MRPL14: variants seen among roughly 807,000 people sequenced by gnomAD.
The protein encoded by MRPL14 is mitochondrial ribosomal protein L14.
MRPL14 carries 8 observed loss-of-function variants against 10.9 expected under a neutral mutation model. The observed-to-expected ratio is 0.74, with a 90% confidence interval of 0.43 to 1.33. The LOEUF (loss-of-function observed/expected upper bound fraction) is 1.33, where lower values mean the gene tolerates loss of function less well. Ranked by LOEUF, MRPL14 falls within the 40% of genes most tolerant of loss-of-function variation. MRPL14 has a pLI of 0.01. For missense variants in MRPL14, 179 were observed against 194.5 expected (o/e 0.92, Z 0.47); for synonymous variants, 82 against 74.1 (o/e 1.11, Z -0.54).
intron 1 of MRPL14, among the ~76,000 whole-genome samples, chr6:44,119,725 A>G (rs1776222035): frequency 6.6e-6 from 1 of 152,236 alleles, no homozygotes; most frequent in Non-Finnish European, 1.5e-5. Flanking sequence ...ACAACAAAAC[A>G]AAACTTCTGA....
chr6:44,119,205 T>C (rs1421009168), intron 1 of MRPL14, among the ~76,000 whole-genome samples: 1 of 152,074 alleles, frequency 6.6e-6, no homozygotes, highest in Non-Finnish European at 1.5e-5. Flanking sequence ...TTTACAACTA[T>C]TAAATCATTC....
chr6:44,114,560 C>T (rs1775655912), intron 2 of MRPL14, among the ~76,000 whole-genome samples: 1 of 152,238 alleles, frequency 6.6e-6, no homozygotes, highest in Non-Finnish European at 1.5e-5. Flanking sequence ...GGCTAGGCCT[C>T]ACCCACTGCC....
intron 1 of MRPL14, among the ~76,000 whole-genome samples, chr6:44,118,238 G>C (rs958225554): frequency 2.8e-5 from 4 of 145,108 alleles, no homozygotes; most frequent in Non-Finnish European, 6.4e-5. Flanking sequence ...GTTGAGCTTT[G>C]GTTTACCATC....
intron 1 of MRPL14, chr6:44,126,982 G>C (rs115366175): frequency 1.3e-5 from 2 of 152,272 alleles, no homozygotes; most frequent in African/African-American, 2.4e-5. Context: ...CGCGGAAAGC[G>C]GAGAAGCCGG....
chr6:44,113,689 A>T lies in MRPL14; in HGVS notation c.*154T>A. 1.3e-6 allele frequency: 1 copy of T among 765,574 alleles called. No individual in the cohort carries two copies. Among genetic ancestry groups the T allele is most frequent in the Non-Finnish European group, 1.9e-6 (1 of 528,826 alleles). 47.4% of individuals were successfully genotyped at this position (765,574 alleles called of 1,614,324 possible). On this transcript the variant is annotated 3_prime_UTR_variant, in exon 3 of 3. Coordinates refer to ENST00000372014, the MANE Select transcript of MRPL14 (RefSeq NM_032111.4). ...CCACATCCCAGAAAGCTCTGGAAAAACACATAAATGAATACATTTATTCTC... is the reference window on the plus strand; with the variant it reads ...CCACATCCCAGAAAGCTCTGGAAAATCACATAAATGAATACATTTATTCTC...
Position 44,116,636 on chromosome 6 carries a change from G to A in MRPL14, c.-18-7C>T, listed in dbSNP as rs761852777. ...TGGGATCCCAAGATAGATCCTGCAGGAAAAACGAGAGGGGGAAAAATTGGT... is the reference window on the plus strand; with the variant it reads ...TGGGATCCCAAGATAGATCCTGCAGAAAAAACGAGAGGGGGAAAAATTGGT... On this transcript the variant is annotated splice_region_variant and splice_polypyrimidine_tract_variant and intron_variant, in intron 1 of 2. Transcript: ENST00000372014. 1.2e-6 allele frequency: 2 copies of A among 1,608,902 alleles called. No homozygotes were observed. The highest frequency in any genetic ancestry group is 2.7e-5 in the African/African-American group (2 of 74,872).
chr6:44,122,084 C>A (rs539404464), intron 1 of MRPL14, among the ~76,000 whole-genome samples: 3 of 149,210 alleles, frequency 2.0e-5, no homozygotes, highest in Middle Eastern at 3.5e-3. Context: ...GCTCTTCCCC[C>A]CCCTCTTTTT....
chr6:44,125,246 TCACA>T (rs1776838957), intron 1 of MRPL14, among the ~76,000 whole-genome samples: 1 of 152,236 alleles, frequency 6.6e-6, no homozygotes, highest in Non-Finnish European at 1.5e-5. Context: ...ACTTGATGGC[TCACA>T]CACTCCTTGA....
rs1225567287 is a variant in MRPL14, at chr6:44,127,413, C to T, written c.-88G>A. On this transcript the variant is annotated 5_prime_UTR_variant, in exon 1 of 3. Transcript: ENST00000372014. Reference sequence around the variant, plus strand: ...AAGCGCCGCCTTCGCCCCACGCGGCCTCTTCCTAGCGCCTGCGCGCCAGGC... The same window carrying T: ...AAGCGCCGCCTTCGCCCCACGCGGCTTCTTCCTAGCGCCTGCGCGCCAGGC... 1 of 152,444 alleles carries T rather than the reference C, an allele frequency of 6.6e-6. No individual in the cohort carries two copies. The highest frequency in any genetic ancestry group is 1.5e-5 in the Non-Finnish European group (1 of 68,284). 9.4% of individuals were successfully genotyped at this position (152,444 alleles called of 1,614,324 possible). A position where few individuals can be genotyped will look rare whatever the true frequency, so the allele number is the denominator to read the frequency against.
intron 1 of MRPL14, among the ~76,000 whole-genome samples, chr6:44,117,917 G>A (rs1168789604): frequency 7.7e-6 from 1 of 130,216 alleles, no homozygotes; most frequent in Non-Finnish European, 1.5e-5. Flanking sequence ...GAACTCCTGA[G>A]TTCATGCAAT....
rs1775876530 is a variant in MRPL14, at chr6:44,116,634, AGGAAAAACGAGAGGG to A, written c.-18-20_-18-6del. On this transcript the variant is annotated splice_polypyrimidine_tract_variant and splice_region_variant and intron_variant, in intron 1 of 2. Coordinates refer to ENST00000372014, the MANE Select transcript of MRPL14 (RefSeq NM_032111.4). ...CATGGGATCCCAAGATAGATCCTGC[AGGAAAAACGAGAGGG>A]GGAAAAATTGGTTTCTAAGTCAGAG... The A allele has an allele frequency of 5.6e-6, 9 of 1,610,216 alleles. No individual in the cohort carries two copies. Among genetic ancestry groups the A allele is most frequent in the Non-Finnish European group, 7.6e-6 (9 of 1,176,630 alleles).
chr6:44,117,568 A>C (rs1359270826), intron 1 of MRPL14, among the ~76,000 whole-genome samples: 2 of 152,196 alleles, frequency 1.3e-5, no homozygotes, highest in Non-Finnish European at 1.5e-5. Flanking sequence ...TTTGCTATGC[A>C]CAAGTTCAAA....
At chr6:44,118,887 C>A in intron 1 of MRPL14, among the ~76,000 whole-genome samples, 1 of 152,160 alleles carries the variant, frequency 6.6e-6, no homozygotes, top group East Asian at 1.9e-4. Flanking sequence ...TCGCTTGAAT[C>A]CAGGAGGTGG....
intron 1 of MRPL14, among the ~76,000 whole-genome samples, chr6:44,118,144 T>C (rs547393730): frequency 2.0e-5 from 3 of 152,164 alleles, no homozygotes; most frequent in African/African-American, 7.2e-5. Context: ...ACTACTAACA[T>C]CTGACACACA....
intron 1 of MRPL14, among the ~76,000 whole-genome samples, chr6:44,116,867 T>C (rs1336017049): frequency 6.6e-6 from 1 of 152,194 alleles, no homozygotes; most frequent in East Asian, 1.9e-4. Flanking sequence ...CAGCTTCTGC[T>C]ATAAAAAAAT....
At chr6:44,117,884 A>G (rs1366242310) in intron 1 of MRPL14, among the ~76,000 whole-genome samples, 2 of 116,412 alleles carry the variant, frequency 1.7e-5, no homozygotes, top group Non-Finnish European at 3.2e-5. Flanking sequence ...TGATGGTCTC[A>G]CTATGTTGCC....
At chr6:44,119,408 G>GTCC in intron 1 of MRPL14, among the ~76,000 whole-genome samples, 1 of 151,804 alleles carries the variant, frequency 6.6e-6, no homozygotes. Flanking sequence ...GCCGCCTGTA[G>GTCC]TCCCAGGTAC....
chr6:44,127,137 T>C, intron 1 of MRPL14: 1 of 137,950 alleles, frequency 7.2e-6, no homozygotes. Context: ...GGGAGGAGGA[T>C]CCGGGTAAGG....
intron 1 of MRPL14, among the ~76,000 whole-genome samples, chr6:44,118,703 G>C (rs1246303047): frequency 6.6e-6 from 1 of 152,188 alleles, no homozygotes; most frequent in Non-Finnish European, 1.5e-5. Context: ...GGTGGCTCAC[G>C]CCTGTAATCC....
Sources: gnomAD v4.1 joint callset for allele counts (sites outside exome capture counted in the v4.1 genomes callset) on GRCh38, gnomAD v4.1.1 for gene constraint, MANE v1.5 for transcripts, NCBI Gene and HGNC (gene_info 2026-07-23, HGNC 2026-07-21) for gene names.